Variants in ARHGEF11 observed in about 807,000 individuals in gnomAD.
ARHGEF11 encodes the protein Rho guanine exchange factor (GEF) 11.
ARHGEF11 carries 55 observed loss-of-function variants against 193.7 expected under a neutral mutation model. The ratio of observed to expected loss-of-function variants is 0.28; its 90% CI spans 0.23 to 0.36. ARHGEF11 has a LOEUF of 0.36. Among genes scored for constraint, ARHGEF11 ranks in the 10% least tolerant of loss-of-function variants. The pLI is 1.00. For synonymous variants in ARHGEF11, 693 were observed against 768.0 expected, an observed-to-expected ratio of 0.90 and a Z score of 1.62; for missense variants, 1,723 against 2,005.6, an observed-to-expected ratio of 0.86 and a Z score of 2.69.
chr1:156,940,836 G>A (rs955117889), intron 35 of ARHGEF11, among the ~76,000 whole-genome samples: 6 of 152,136 alleles, frequency 3.9e-5, no homozygotes, highest in Non-Finnish European at 5.9e-5. Context: ...AGGAGGAAAA[G>A]CATTCTAAGC....
At chr1:157,006,595 G>A (rs1222796168) in intron 1 of ARHGEF11, among the ~76,000 whole-genome samples, 2 of 152,172 alleles carry the variant, frequency 1.3e-5, no homozygotes, top group African/African-American at 4.8e-5. Context: ...GTGCCCTCTG[G>A]TGCAGAAGAC....
chr1:156,967,815 C>T (rs2102262857), intron 11 of ARHGEF11, 172 bp downstream of exon 11: 8 of 794,554 alleles, frequency 1.0e-5, no homozygotes, highest in Non-Finnish European at 1.6e-5. Flanking sequence ...TCTATTTATG[C>T]CATGTTCTCT....
Position 156,935,925 on chromosome 1 carries a change from C to A in ARHGEF11, c.*75G>T, listed in dbSNP as rs74584761. ...CACAGGGAGGAGTGTTGGGATCCCC[C>A]CTACCCTGTGCCCCGGTCTCAGGCC... On this transcript the variant is annotated 3_prime_UTR_variant, in exon 41 of 41. Transcript: ENST00000368194. 1,742 of 1,513,802 alleles carry A rather than the reference C, an allele frequency of 1.2e-3. 17 individuals are homozygous for A. In the African/African-American group the frequency reaches 0.022, roughly 19 times the overall value. 93.8% of individuals were successfully genotyped at this position (1,513,802 alleles called of 1,614,324 possible). A position where few individuals can be genotyped will look rare whatever the true frequency, so the allele number is the denominator to read the frequency against.
In ARHGEF11 at chr1:156,935,979, A is replaced by C; in HGVS notation, c.*21T>G. On this transcript the variant is annotated 3_prime_UTR_variant, in exon 41 of 41. Coordinates refer to ENST00000368194, the MANE Select transcript of ARHGEF11 (RefSeq NM_198236.3). ...CCCTGAAGGAGGAGTGGGGACGCAG[A>C]GGATTTGGTGGTTTGTACGGTTATG... 6.2e-7 allele frequency: 1 copy of C among 1,606,202 alleles called. No homozygotes were observed. The highest frequency in any genetic ancestry group is 8.5e-7 in the Non-Finnish European group (1 of 1,175,102).
At chr1:156,953,445 A>G (rs113562794) in intron 21 of ARHGEF11, among the ~76,000 whole-genome samples, 175 of 152,322 alleles carry the variant, frequency 1.1e-3, no homozygotes, top group African/African-American at 3.9e-3. Context: ...CTCAAAACAC[A>G]AAAACAAAAA....
At chr1:156,956,268 C>T (rs1659935644) in intron 19 of ARHGEF11, 152 bp downstream of exon 19, 2 of 753,680 alleles carry the variant, frequency 2.7e-6, no homozygotes, top group Admixed American at 5.3e-5. Context: ...AGGCATGCAC[C>T]ACTATGCTGG....
Position 157,036,031 on chromosome 1 carries a change from G to C in ARHGEF11, c.32+8268C>G, listed in dbSNP as rs933546683. ...AATATATATATGAATCTATATATAGGAATATATATATGAATCTATATAGGA... is the reference window on the plus strand; with the variant it reads ...AATATATATATGAATCTATATATAGCAATATATATATGAATCTATATAGGA... On this transcript the variant is annotated intron_variant, in intron 1 of 40. Transcript: ENST00000368194. 2.7e-5 allele frequency among the ~76,000 whole-genome samples: 3 copies of C among 112,654 alleles called. No individual in the cohort carries two copies. The Admixed American group carries it at 2.9e-4, about 11-fold the overall frequency. The allele number at this position is 112,654 out of a possible 152,430, so 73.9% of individuals were successfully genotyped here.
Position 156,984,437 on chromosome 1 carries a change from C to A in ARHGEF11, c.125G>T (p.Gly42Val). Residue 42 changes from glycine (G) to valine (V), a missense_variant and splice_region_variant, in exon 3 of 41, where the codon GGT becomes GTT. Gly to Val is a moderately radical substitution (Grantham distance 109). Coordinates refer to ENST00000368194, the MANE Select transcript of ARHGEF11 (RefSeq NM_198236.3). ...RQPSDASETT[G>V]LVQRCVIIQK... ...GATAATGACACAGCGTTGAACGAGACCTGGAAGGCGGAGAGAAAGGTTGAG... is the reference window on the plus strand; with the variant it reads ...GATAATGACACAGCGTTGAACGAGAACTGGAAGGCGGAGAGAAAGGTTGAG... The A allele has an allele frequency of 6.3e-7, 1 of 1,584,182 alleles. No homozygotes were observed. Among genetic ancestry groups the A allele is most frequent in the South Asian group, 1.2e-5 (1 of 86,678 alleles).
chr1:156,968,988 T>C (rs1005108316), intron 10 of ARHGEF11, among the ~76,000 whole-genome samples: 5 of 152,200 alleles, frequency 3.3e-5, no homozygotes, highest in African/African-American at 1.2e-4. Context: ...TCGTCTCTGC[T>C]CCCTCACTCT....
At chr1:156,941,551 G>A in intron 34 of ARHGEF11, 118 bp from the exon 35 acceptor site, 2 of 1,173,692 alleles carry the variant, frequency 1.7e-6, no homozygotes, top group Non-Finnish European at 2.5e-6. Context: ...TCACCTGGCT[G>A]GTCTGCTTGG....
At chr1:157,009,292 A>T (rs941519535) in intron 1 of ARHGEF11, among the ~76,000 whole-genome samples, 1 of 152,218 alleles carries the variant, frequency 6.6e-6, no homozygotes, top group African/African-American at 2.4e-5. Context: ...ATTTATGACC[A>T]TATTTACCCT....
At chr1:156,964,841 G>A (rs1661479347) in intron 11 of ARHGEF11, among the ~76,000 whole-genome samples, 1 of 152,170 alleles carries the variant, frequency 6.6e-6, no homozygotes, top group African/African-American at 2.4e-5. Flanking sequence ...AAGGTGGTGG[G>A]TGAGCACTTC....
chr1:156,974,045 A>G (rs935896427), intron 7 of ARHGEF11, among the ~76,000 whole-genome samples: 1 of 151,998 alleles, frequency 6.6e-6, no homozygotes, highest in African/African-American at 2.4e-5. Context: ...TTCCAGTCAC[A>G]AGACTCACTG....
At chr1:156,987,816 G>A (rs1382069338) in intron 1 of ARHGEF11, among the ~76,000 whole-genome samples, 3 of 152,024 alleles carry the variant, frequency 2.0e-5, no homozygotes, top group African/African-American at 4.8e-5. Context: ...CAGGACAGGA[G>A]GAAGAAAGAG....
chr1:156,942,893 A>G (rs1484879924), intron 32 of ARHGEF11, 113 bp from the exon 33 acceptor site: 4 of 815,320 alleles, frequency 4.9e-6, no homozygotes, highest in Non-Finnish European at 8.3e-6. Context: ...ACGCAGATGG[A>G]GAGTGCAGCA....
At chr1:157,015,927 G>A (rs568225056) in intron 1 of ARHGEF11, among the ~76,000 whole-genome samples, 2 of 152,324 alleles carry the variant, frequency 1.3e-5, no homozygotes, top group Admixed American at 6.5e-5. Context: ...AACTGAGGAG[G>A]GGGAGAGATA....
At chr1:156,969,924 C>T (rs1430882496) in intron 9 of ARHGEF11, 74 bp downstream of exon 9, 1 of 1,467,600 alleles carries the variant, frequency 6.8e-7, no homozygotes, top group Non-Finnish European at 9.5e-7. Flanking sequence ...GAATCTGCCC[C>T]ATGGGGAGGG....
chr1:156,970,731 T>C (rs947596561), intron 8 of ARHGEF11, among the ~76,000 whole-genome samples: 14 of 152,184 alleles, frequency 9.2e-5, no homozygotes, highest in Non-Finnish European at 7.3e-5. Flanking sequence ...GCAGCAAACA[T>C]GTACAGCCCC....
intron 4 of ARHGEF11, among the ~76,000 whole-genome samples, chr1:156,980,004 A>T (rs1219940311): frequency 6.6e-6 from 1 of 152,168 alleles, no homozygotes; most frequent in Non-Finnish European, 1.5e-5. Context: ...AGTCTTGAAC[A>T]CCATTCTGTC....
Sources: gnomAD v4.1 joint callset for allele counts (sites outside exome capture counted in the v4.1 genomes callset) on GRCh38, gnomAD v4.1.1 for gene constraint, MANE v1.5 for transcripts, NCBI Gene and HGNC (gene_info 2026-07-23, HGNC 2026-07-21) for gene names.